MAMLD1: variants seen among roughly 807,000 people sequenced by gnomAD.
MAMLD1 encodes the protein mastermind like domain containing 1.
In MAMLD1, 14 loss-of-function variants were observed where a neutral mutation model predicts 45.0. That is an observed-to-expected ratio of 0.31 (90% confidence interval 0.21 to 0.49). The LOEUF is 0.49. MAMLD1 is among the 20% of genes least tolerant of loss of function. The pLI, the probability that MAMLD1 is intolerant of heterozygous loss-of-function variation, is 0.99. For missense variants in MAMLD1, 543 were observed against 603.6 expected (o/e 0.90, Z 1.05); for synonymous variants, 254 against 247.8 (o/e 1.02, Z -0.24).
chrX:150,419,208 CTT>C (rs1158677187), intron 1 of MAMLD1, among the ~76,000 whole-genome samples: 1 of 102,231 alleles, frequency 9.8e-6, no homozygotes, highest in African/African-American at 3.6e-5. Context: ...TTCTTTGTCT[CTT>C]TTGATCTTTG....
At chrX:150,410,618 A>G (rs1353724070) in intron 1 of MAMLD1, among the ~76,000 whole-genome samples, 1 of 112,738 alleles carries the variant, frequency 8.9e-6, no homozygotes, top group African/African-American at 3.2e-5. Context: ...TAACATCGGT[A>G]GGGCTTACCA....
rs2036357046 is a variant in MAMLD1, at chrX:150,469,832, T to G, written c.259T>G (p.Cys87Gly). The G allele has an allele frequency of 8.3e-7, 1 of 1,209,694 alleles. No homozygotes were observed. The highest frequency in any genetic ancestry group is 1.1e-6 in the Non-Finnish European group (1 of 895,035). ...CTACCCTAATAAAATTAAGAGGCCT[T>G]GCCTTGAAGATGTCACCCTTGCAAT... ...GGYPNKIKRPCLEDVTLAMGP... is the reference protein window; with the variant it reads ...GGYPNKIKRPGLEDVTLAMGP... The change falls in exon 4 of 8, where the codon TGC (cysteine) becomes GGC (glycine). Residue 87 changes from cysteine (C) to glycine (G), a missense_variant. Physicochemically the swap from Cys to Gly is radical, Grantham distance 159 (BLOSUM62 -3). Coordinates refer to ENST00000370401, the MANE Select transcript of MAMLD1 (RefSeq NM_005491.5).
intron 1 of MAMLD1, among the ~76,000 whole-genome samples, chrX:150,440,047 T>G (rs1484332416): frequency 1.8e-5 from 2 of 112,130 alleles, no homozygotes; most frequent in African/African-American, 3.2e-5. Context: ...TACTATTGCT[T>G]TGTGGTAAGT....
intron 5 of MAMLD1, among the ~76,000 whole-genome samples, chrX:150,475,783 A>G (rs2036565624): frequency 8.9e-6 from 1 of 111,927 alleles, no homozygotes; most frequent in African/African-American, 3.3e-5. Context: ...GGCAAAGGAG[A>G]TGCTAACCTG....
At chrX:150,400,467 T>G (rs2033699756) in intron 1 of MAMLD1, among the ~76,000 whole-genome samples, 1 of 111,913 alleles carries the variant, frequency 8.9e-6, no homozygotes, top group Admixed American at 9.5e-5. Flanking sequence ...CCTGCCTCAT[T>G]GCCCTGGCCA....
intron 5 of MAMLD1, among the ~76,000 whole-genome samples, chrX:150,492,271 C>T (rs191163613): frequency 1.8e-5 from 2 of 112,837 alleles, no homozygotes. Flanking sequence ...AGGGCACAGC[C>T]CTGGAGGCTA....
chrX:150,448,482 A>G (rs1557404899), intron 2 of MAMLD1, among the ~76,000 whole-genome samples: 1 of 112,453 alleles, frequency 8.9e-6, no homozygotes, highest in African/African-American at 3.2e-5. Context: ...AATGCTGAAT[A>G]CATATCAGGC....
chrX:150,398,325 A>AGAGGAAGAG, intron 1 of MAMLD1, among the ~76,000 whole-genome samples: 1 of 82,636 alleles, frequency 1.2e-5, no homozygotes, highest in African/African-American at 4.7e-5. Context: ...AAGAAGAAGA[A>AGAGGAAGAG]GAAGAAGAAG....
At chrX:150,396,981 TTTTTAAAACACTTTAAA>T (rs1402207717) in intron 1 of MAMLD1, among the ~76,000 whole-genome samples, 1 of 112,548 alleles carries the variant, frequency 8.9e-6, no homozygotes, top group Non-Finnish European at 1.9e-5. Context: ...TGTAGTTTGC[TTTTTAAAACACTTTAAA>T]TTGTGGTAAA....
At chrX:150,403,972 G>GAA (rs1199395652) in intron 1 of MAMLD1, among the ~76,000 whole-genome samples, 45 of 89,597 alleles carry the variant, frequency 5.0e-4, no homozygotes, top group African/African-American at 1.8e-3. Context: ...AAGAAAGAAA[G>GAA]AAAGAAAGAA....
intron 5 of MAMLD1, among the ~76,000 whole-genome samples, chrX:150,497,323 G>T (rs1485561269): frequency 2.3e-5 from 2 of 87,114 alleles, no homozygotes; most frequent in Non-Finnish European, 4.2e-5. Context: ...TCACTTTGTC[G>T]CCCAGGCTGG....
At chrX:150,420,202 C>CTGATA (rs1464548086) in intron 1 of MAMLD1, among the ~76,000 whole-genome samples, 1 of 53,532 alleles carries the variant, frequency 1.9e-5, no homozygotes, top group Non-Finnish European at 3.4e-5. Flanking sequence ...TCTTCCATTG[C>CTGATA]TGATACCCTT....
At chrX:150,504,559 C>A in intron 6 of MAMLD1, 1 of 526,416 alleles carries the variant, frequency 1.9e-6, no homozygotes, top group Non-Finnish European at 2.3e-6. Flanking sequence ...CCAGAGAAAT[C>A]TTGTCCAGCA....
chrX:150,425,078 CT>C (rs1385320027), intron 1 of MAMLD1, among the ~76,000 whole-genome samples: 5 of 112,065 alleles, frequency 4.5e-5, no homozygotes, highest in Admixed American at 3.8e-4. Flanking sequence ...GTACTTCATT[CT>C]TTTTTATGGA....
At chrX:150,366,940 T>TCTTTCCCCC (rs2031505047) in intron 1 of MAMLD1, among the ~76,000 whole-genome samples, 1 of 110,000 alleles carries the variant, frequency 9.1e-6, no homozygotes, top group Admixed American at 9.6e-5. Flanking sequence ...AAACTAGCAT[T>TCTTTCCCCC]CTTTCCCCCC....
intron 1 of MAMLD1, among the ~76,000 whole-genome samples, chrX:150,417,359 A>G (rs1483805919): frequency 9.5e-6 from 1 of 104,757 alleles, no homozygotes; most frequent in Non-Finnish European, 2.0e-5. Flanking sequence ...TTATGGCTGC[A>G]TAGTATTCCA....
chrX:150,363,276 G>C (rs1569564259), upstream of MAMLD1: 1 of 113,215 alleles, frequency 8.8e-6, no homozygotes, highest in Non-Finnish European at 1.9e-5. Flanking sequence ...TCCACCTTCC[G>C]GGCGCGCGGC....
chrX:150,487,510 C>T (rs1477382847), intron 5 of MAMLD1, among the ~76,000 whole-genome samples: 1 of 112,320 alleles, frequency 8.9e-6, no homozygotes, highest in Non-Finnish European at 1.9e-5. Flanking sequence ...GAAAGCAGCT[C>T]TTTTCCCAAG....
intron 1 of MAMLD1, among the ~76,000 whole-genome samples, chrX:150,371,033 G>A (rs1392387679): frequency 1.8e-5 from 2 of 110,732 alleles, no homozygotes; most frequent in African/African-American, 6.6e-5. Context: ...TCCCTTCCTC[G>A]GCCTGCAAGA....
Sources: allele counts gnomAD v4.1 joint callset (sites outside exome capture counted in the v4.1 genomes callset), GRCh38; gene constraint gnomAD v4.1.1; transcripts MANE v1.5; gene names NCBI Gene and HGNC (gene_info 2026-07-23, HGNC 2026-07-21).